Variants in TXLNB observed in about 807,000 individuals in gnomAD.
TXLNB encodes beta-taxilin.
A neutral mutation model predicts 57.4 loss-of-function variants in TXLNB; 37 were observed. That is an observed-to-expected ratio of 0.64 (90% CI 0.50 to 0.85). TXLNB has a LOEUF of 0.85. Among genes scored for constraint, TXLNB ranks in the 40% least tolerant of loss-of-function variants. The pLI is 0.00. For missense variants in TXLNB, 848 were observed against 825.6 expected (o/e 1.03, Z -0.33); for synonymous variants, 302 against 309.6 (o/e 0.98, Z 0.26).
chr6:139,318,139 G>A, the TXLNB span, among the ~76,000 whole-genome samples: 256 of 151,548 alleles, frequency 1.7e-3, no homozygotes, highest in East Asian at 9.0e-3. Context: ...GGGTGGTGGC[G>A]GGTGCCTGTA....
At chr6:139,209,259 T>C in the TXLNB span, among the ~76,000 whole-genome samples, 1 of 152,142 alleles carries the variant, frequency 6.6e-6, no homozygotes, top group Non-Finnish European at 1.5e-5. Flanking sequence ...GAAAGATCTC[T>C]ACAAGGAAAA....
chr6:139,189,581 A>G, the TXLNB span, among the ~76,000 whole-genome samples: 41 of 152,352 alleles, frequency 2.7e-4, no homozygotes, highest in African/African-American at 8.9e-4. Context: ...AAGGTCTGAA[A>G]TAAATGGAGT....
At chr6:139,323,918 C>T in the TXLNB span, among the ~76,000 whole-genome samples, 1 of 152,148 alleles carries the variant, frequency 6.6e-6, no homozygotes, top group Admixed American at 6.5e-5. Flanking sequence ...GTGCTCATCC[C>T]CGTCCTTTCT....
chr6:139,174,774 G>T, the TXLNB span, among the ~76,000 whole-genome samples: 2 of 152,104 alleles, frequency 1.3e-5, no homozygotes, highest in East Asian at 3.9e-4. Flanking sequence ...AAAAGAACAG[G>T]TTATAAAATG....
chr6:139,194,509 ATTC>A, the TXLNB span, among the ~76,000 whole-genome samples: 16 of 152,216 alleles, frequency 1.1e-4, no homozygotes, highest in Admixed American at 1.0e-3. Flanking sequence ...ATCATCCTAA[ATTC>A]TTCTTTTTTA....
At chr6:139,319,448 G>A in the TXLNB span, among the ~76,000 whole-genome samples, 1 of 151,186 alleles carries the variant, frequency 6.6e-6, no homozygotes, top group African/African-American at 2.4e-5. Flanking sequence ...CTGTCACTCA[G>A]GTTGGAGTGC....
chr6:139,258,025 G>A (rs1420170633), intron 6 of TXLNB, among the ~76,000 whole-genome samples: 1 of 152,160 alleles, frequency 6.6e-6, no homozygotes, highest in East Asian at 1.9e-4. Flanking sequence ...GTGGCACTGT[G>A]CCTGCTTCTT....
chr6:139,271,922 G>A (rs939130920), intron 3 of TXLNB: 9 of 152,318 alleles, frequency 5.9e-5, no homozygotes, highest in African/African-American at 2.2e-4. Flanking sequence ...GGTTCTTCTG[G>A]ACCTCAGGTG....
chr6:139,210,076 G>A, the TXLNB span, among the ~76,000 whole-genome samples: 1 of 151,956 alleles, frequency 6.6e-6, no homozygotes, highest in Non-Finnish European at 1.5e-5. Flanking sequence ...GTCAAAAGAA[G>A]ATACACAAAC....
At chr6:139,266,160 A>T (rs1051138506) in intron 4 of TXLNB, among the ~76,000 whole-genome samples, 1 of 152,246 alleles carries the variant, frequency 6.6e-6, no homozygotes, top group Non-Finnish European at 1.5e-5. Flanking sequence ...TCTCCAGAAC[A>T]TAATAGTCAC....
the TXLNB span, chr6:139,177,021 C>T: frequency 3.7e-4 from 320 of 872,752 alleles, 2 homozygotes; most frequent in Admixed American, 4.9e-3. This position sits in a 1 kb window ranked among gnomAD's most constrained non-coding sequence, Gnocchi z 4.9. Flanking sequence ...AATATAGCAA[C>T]GTCCAGCAGT....
the TXLNB span, chr6:139,166,473 G>A: frequency 6.2e-7 from 1 of 1,614,168 alleles, no homozygotes; most frequent in Non-Finnish European, 8.5e-7. Context: ...GCGCGCAGCT[G>A]GAACGAGAAG....
At chr6:139,185,754 T>C in the TXLNB span, among the ~76,000 whole-genome samples, 1 of 152,208 alleles carries the variant, frequency 6.6e-6, no homozygotes, top group African/African-American at 2.4e-5. Context: ...AGGGTGGTCT[T>C]TGGTGATGGG....
At chr6:139,177,303 C>T in the TXLNB span, 1 of 450,610 alleles carries the variant, frequency 2.2e-6, no homozygotes, top group East Asian at 3.3e-5. The surrounding 1 kb of genome is among the most constrained non-coding windows in gnomAD (Gnocchi z 4.9). Context: ...TTGACCAGAG[C>T]CCAGATGGGT....
the TXLNB span, chr6:139,166,630 C>G: frequency 6.2e-7 from 1 of 1,614,186 alleles, no homozygotes; most frequent in Non-Finnish European, 8.5e-7. Flanking sequence ...AGAAGTCTGG[C>G]TCCGAGAAGA....
chr6:139,159,428 G>A, the TXLNB span, among the ~76,000 whole-genome samples: 6 of 152,142 alleles, frequency 3.9e-5, no homozygotes, highest in Non-Finnish European at 8.8e-5. Flanking sequence ...CCATGGAACC[G>A]GGACTTACAC....
In TXLNB at chr6:139,242,803, AGACCCTCGCAT is replaced by A; in HGVS notation, c.1767_1777del (p.Gln589HisfsTer8). 6.2e-7 allele frequency: 1 copy of A among 1,614,074 alleles called. No individual in the cohort carries two copies. Among genetic ancestry groups the A allele is most frequent in the Non-Finnish European group, 8.5e-7 (1 of 1,180,012 alleles). The stretch of plus-strand genomic sequence containing the variant: ...CTGATCAGCCTGTGCTCCAACAGGG[AGACCCTCGCAT>A]TGGGTTTCTGCTCCCAACCCGGCAG... On this transcript the variant is annotated frameshift_variant, in exon 10 of 10. Transcript: ENST00000358430. LOFTEE classifies it low-confidence loss of function (END_TRUNC).
chr6:139,215,659 CA>C, the TXLNB span, among the ~76,000 whole-genome samples: 1 of 152,072 alleles, frequency 6.6e-6, no homozygotes, highest in Non-Finnish European at 1.5e-5. Flanking sequence ...TTCTGCACAG[CA>C]AAAGAAACTA....
intron 4 of TXLNB, among the ~76,000 whole-genome samples, chr6:139,269,502 A>T (rs2114554773): frequency 6.6e-6 from 1 of 152,264 alleles, no homozygotes; most frequent in South Asian, 2.1e-4. Flanking sequence ...GCCATTTGAG[A>T]CTTTGACTTC....
Sources: allele counts gnomAD v4.1 joint callset (sites outside exome capture counted in the v4.1 genomes callset), GRCh38; gene constraint gnomAD v4.1.1; non-coding constraint Gnocchi (gnomAD v3.1); transcripts MANE v1.5; gene names NCBI Gene and HGNC (gene_info 2026-07-23, HGNC 2026-07-21).